Variants in KCNQ5 observed in about 807,000 individuals in gnomAD.
The protein encoded by KCNQ5 is potassium voltage-gated channel subfamily KQT member 5.
A neutral mutation model predicts 98.2 loss-of-function variants in KCNQ5; 30 were observed. The ratio of observed to expected loss-of-function variants is 0.31; its 90% CI spans 0.23 to 0.41. The LOEUF (loss-of-function observed/expected upper bound fraction) is 0.41. Ranked by LOEUF, KCNQ5 falls within the 10% of genes least tolerant of loss-of-function variation. The pLI, the probability that KCNQ5 is intolerant of heterozygous loss-of-function variation, is 1.00. For synonymous variants in KCNQ5, 458 were observed against 449.4 expected, an observed-to-expected ratio of 1.02 and a Z score of -0.24; for missense variants, 835 against 1,182.5, an observed-to-expected ratio of 0.71 and a Z score of 4.31.
chr6:72,760,758 A>T (rs1193624649), intron 1 of KCNQ5, among the ~76,000 whole-genome samples: 2 of 152,108 alleles, frequency 1.3e-5, no homozygotes, highest in East Asian at 3.9e-4. Flanking sequence ...AAAACTGATG[A>T]ATCAAATCTT....
chr6:72,720,195 T>C (rs755739565), intron 1 of KCNQ5, among the ~76,000 whole-genome samples: 32 of 152,206 alleles, frequency 2.1e-4, no homozygotes, highest in Non-Finnish European at 4.4e-4. Flanking sequence ...ATCATCTCCG[T>C]TGCTTTTTAC....
intron 11 of KCNQ5, among the ~76,000 whole-genome samples, chr6:73,186,587 G>A (rs575320154): frequency 4.6e-5 from 7 of 152,258 alleles, no homozygotes; most frequent in African/African-American, 1.4e-4. Flanking sequence ...TTGAGAAGAC[G>A]AGCAATATTA....
intron 10 of KCNQ5, among the ~76,000 whole-genome samples, chr6:73,160,295 C>T (rs1562213233): frequency 1.3e-5 from 2 of 152,138 alleles, no homozygotes; most frequent in Non-Finnish European, 2.9e-5. Flanking sequence ...GGATTACAGG[C>T]GTGAGCCACC....
At chr6:73,094,682 G>T (rs10805970) in intron 5 of KCNQ5, among the ~76,000 whole-genome samples, 1 of 152,054 alleles carries the variant, frequency 6.6e-6, no homozygotes, top group Non-Finnish European at 1.5e-5. Context: ...ATATATGAAG[G>T]ATAGTTTTGT....
intron 1 of KCNQ5, among the ~76,000 whole-genome samples, chr6:72,722,941 C>A (rs949226804): frequency 6.7e-6 from 1 of 149,402 alleles, no homozygotes; most frequent in Non-Finnish European, 1.5e-5. Flanking sequence ...CCTTGACTTC[C>A]TGGGTTCAGG....
At chr6:73,029,789 T>C (rs1239502491) in intron 2 of KCNQ5, among the ~76,000 whole-genome samples, 1 of 148,250 alleles carries the variant, frequency 6.7e-6, no homozygotes, top group Non-Finnish European at 1.5e-5. Flanking sequence ...AAAAATTAGC[T>C]GGGCGTAGCT....
At chr6:72,712,690 G>A (rs1340692430) in intron 1 of KCNQ5, among the ~76,000 whole-genome samples, 1 of 152,080 alleles carries the variant, frequency 6.6e-6, no homozygotes, top group Non-Finnish European at 1.5e-5. Context: ...TTCTTGACAA[G>A]CTCACTTGGA....
At chr6:72,928,200 T>C (rs908499181) in intron 1 of KCNQ5, among the ~76,000 whole-genome samples, 1 of 152,098 alleles carries the variant, frequency 6.6e-6, no homozygotes, top group Non-Finnish European at 1.5e-5. Flanking sequence ...ACTTCTTGCT[T>C]TCTGTTACTC....
intron 5 of KCNQ5, among the ~76,000 whole-genome samples, chr6:73,096,167 G>A (rs145883823): frequency 9.9e-4 from 151 of 152,148 alleles, no homozygotes; most frequent in Admixed American, 2.2e-3. Context: ...GAGGCATCCC[G>A]GATGGGAGAA....
chr6:72,914,074 A>G (rs924708426), intron 1 of KCNQ5, among the ~76,000 whole-genome samples: 1 of 152,130 alleles, frequency 6.6e-6, no homozygotes, highest in Admixed American at 6.6e-5. Flanking sequence ...AGGGAGGGAA[A>G]GGTAAGAGTA....
At chr6:72,777,392 G>T (rs183893064) in intron 1 of KCNQ5, among the ~76,000 whole-genome samples, 16 of 152,188 alleles carry the variant, frequency 1.1e-4, no homozygotes, top group South Asian at 4.1e-4. Context: ...AATGATTTGC[G>T]ATTAGTTGGA....
chr6:72,921,725 C>G (rs1780408653), intron 1 of KCNQ5, among the ~76,000 whole-genome samples: 1 of 152,098 alleles, frequency 6.6e-6, no homozygotes, highest in Non-Finnish European at 1.5e-5. Context: ...TTAATAAGTA[C>G]TCATAATAAG....
chr6:72,890,888 G>A (rs949015682), intron 1 of KCNQ5, among the ~76,000 whole-genome samples: 2 of 152,174 alleles, frequency 1.3e-5, no homozygotes, highest in Middle Eastern at 3.4e-3. Flanking sequence ...TCCAGTAATT[G>A]GAATGGAATG....
chr6:72,624,425 CAG>C, intron 1 of KCNQ5, among the ~76,000 whole-genome samples: 1 of 150,576 alleles, frequency 6.6e-6, no homozygotes, highest in Non-Finnish European at 1.5e-5. Flanking sequence ...ATTGTATATT[CAG>C]AGAGAGTTAA....
intron 5 of KCNQ5, among the ~76,000 whole-genome samples, chr6:73,102,142 C>T (rs931134010): frequency 2.0e-5 from 3 of 151,890 alleles, no homozygotes; most frequent in East Asian, 1.9e-4. Flanking sequence ...GAACATGCAA[C>T]GAGGAAAGGA....
At chr6:73,132,326 A>G (rs1278133741) in intron 9 of KCNQ5, among the ~76,000 whole-genome samples, 2 of 152,074 alleles carry the variant, frequency 1.3e-5, no homozygotes, top group African/African-American at 4.8e-5. Flanking sequence ...GGCCCTGCAG[A>G]GTCCTGGGCC....
chr6:72,886,933 A>G (rs1778868267), intron 1 of KCNQ5, among the ~76,000 whole-genome samples: 1 of 152,202 alleles, frequency 6.6e-6, no homozygotes, highest in Admixed American at 6.6e-5. Context: ...GTCTACTTCA[A>G]TAAAAAGGCA....
intron 1 of KCNQ5, among the ~76,000 whole-genome samples, chr6:72,930,254 G>A (rs1765629746): frequency 6.6e-6 from 1 of 152,024 alleles, no homozygotes; most frequent in Non-Finnish European, 1.5e-5. Context: ...TAAACCTAGA[G>A]AAAAAGATAT....
intron 10 of KCNQ5, chr6:73,136,176 A>G (rs1317230897): frequency 1.3e-5 from 2 of 152,222 alleles, no homozygotes; most frequent in Admixed American, 6.5e-5. Flanking sequence ...TAGAAATCAT[A>G]CATTACATAT....
Sources: gnomAD v4.1 joint callset for allele counts (sites outside exome capture counted in the v4.1 genomes callset) on GRCh38, gnomAD v4.1.1 for gene constraint, MANE v1.5 for transcripts, NCBI Gene and HGNC (gene_info 2026-07-23, HGNC 2026-07-21) for gene names.